Variants in MAPK8IP3 observed in about 807,000 individuals in gnomAD.
The protein encoded by MAPK8IP3 is C-Jun-amino-terminal kinase-interacting protein 3.
MAPK8IP3 carries 49 observed loss-of-function variants against 157.8 expected under a neutral mutation model. The observed-to-expected ratio is 0.31, with a 90% CI of 0.25 to 0.39. The LOEUF is 0.39. Among genes scored for constraint, MAPK8IP3 ranks in the 10% least tolerant of loss-of-function variants. MAPK8IP3 has a pLI of 1.00. For synonymous variants in MAPK8IP3, 897 were observed against 777.7 expected, an observed-to-expected ratio of 1.15 and a Z score of -2.55; for missense variants, 1,478 against 1,889.4, an observed-to-expected ratio of 0.78 and a Z score of 4.04.
rs564450668 is a variant in MAPK8IP3 at position 1,732,039 on chromosome 16, G to A, written c.602+2461G>A. On this transcript the variant is annotated intron_variant, in intron 4 of 31. Coordinates refer to ENST00000610761, the MANE Select transcript of MAPK8IP3 (RefSeq NM_001318852.2). ...CCGTTTTCTGTGCCCTTTGAATCAGGAGAAAGCCGGGCTGCAGGCCCCAGG... is the reference window on the plus strand; with the variant it reads ...CCGTTTTCTGTGCCCTTTGAATCAGAAGAAAGCCGGGCTGCAGGCCCCAGG... Among the ~76,000 whole-genome samples the A allele has an allele frequency of 4.6e-5, 7 of 152,298 alleles. No homozygotes were observed. The South Asian group carries it at 1.4e-3, about 32-fold the overall frequency.
chr16:1,761,791 C>G (rs1330442624), intron 13 of MAPK8IP3, among the ~76,000 whole-genome samples: 1 of 148,120 alleles, frequency 6.8e-6, no homozygotes, highest in African/African-American at 2.5e-5. Context: ...GCCATCATTC[C>G]CACACATTCA....
intron 1 of MAPK8IP3, among the ~76,000 whole-genome samples, chr16:1,709,711 C>T (rs988698275): frequency 1.3e-5 from 2 of 152,248 alleles, no homozygotes; most frequent in South Asian, 2.1e-4. Context: ...CCACACGCAC[C>T]GTCCGGTGCA....
At chr16:1,732,486 C>T (rs1253929204) in intron 4 of MAPK8IP3, among the ~76,000 whole-genome samples, 6 of 152,228 alleles carry the variant, frequency 3.9e-5, no homozygotes, top group Non-Finnish European at 7.3e-5. Flanking sequence ...AGCAAATGCA[C>T]GGTGTGCGCA....
At position 1,736,887 on chromosome 16, in the gene MAPK8IP3, ACCGT is replaced by A. The variant is rs1411457282; in HGVS notation, c.603-6440_603-6437del. Among the ~76,000 whole-genome samples the A allele has an allele frequency of 1.2e-4, 4 of 32,314 alleles. No homozygotes were observed. The East Asian group carries it at 4.7e-3, about 38-fold the overall frequency. 21.2% of individuals were successfully genotyped at this position (32,314 alleles called of 152,430 possible). A position where few individuals can be genotyped will look rare whatever the true frequency, so the allele number is the denominator to read the frequency against. ...CCATGTGAGCATCCGTGAGCGTGTG[ACCGT>A]CCGTGTGTGACCGTCTGTGTGAGTG... is the stretch of plus-strand genomic sequence containing the variant. On this transcript the variant is annotated intron_variant, in intron 4 of 31. Coordinates refer to ENST00000610761, the MANE Select transcript of MAPK8IP3 (RefSeq NM_001318852.2).
intron 10 of MAPK8IP3, 142 bp downstream of exon 10, chr16:1,759,137 C>T (rs2041790345): frequency 3.5e-6 from 4 of 1,136,052 alleles, no homozygotes; most frequent in South Asian, 1.4e-5. Context: ...GAGTGAAGCT[C>T]GCTCTGTCCA....
rs1450248232 is a variant in MAPK8IP3, at chr16:1,768,301, C to T, written c.3665C>T (p.Pro1222Leu). Residue 1222 changes from proline (P) to leucine (L), a missense_variant, in exon 30 of 32, where the codon CCC becomes CTC. By Grantham distance (98) the Pro-to-Leu change is moderately conservative. Transcript: ENST00000610761. ...SSDRAASSFI[P>L]YCSMAQAQLC... ...GACAGGGCGGCCAGCAGCTTCATCC[C>T]CTACTGCTCCATGGCCCAGGCCCAG... 1 of 1,610,244 alleles carries T rather than the reference C, an allele frequency of 6.2e-7. No individual in the cohort carries two copies. The highest frequency in any genetic ancestry group is 1.3e-5 in the African/African-American group (1 of 74,950).
chr16:1,739,849 TCCGTGTGA>T (rs2040525056), intron 4 of MAPK8IP3, among the ~76,000 whole-genome samples: 2 of 123,398 alleles, frequency 1.6e-5, no homozygotes, highest in South Asian at 3.6e-4. Context: ...CGTGTGAGCA[TCCGTGTGA>T]CCGTGTGAGC....
rs1308639647 is a variant in MAPK8IP3 at position 1,710,339 on chromosome 16, C to T, written c.318+3682C>T. On this transcript the variant is annotated intron_variant, in intron 1 of 31. Coordinates refer to ENST00000610761, the MANE Select transcript of MAPK8IP3 (RefSeq NM_001318852.2). The surrounding 1 kb of genome is among the most constrained non-coding windows in gnomAD (Gnocchi z 4.1). ...AGAAAAAAAAATTAGCCAGGTGTGG[C>T]GGCAGGCCCCTGTAGTCCCAGCACT... Among the ~76,000 whole-genome samples, 7 of 151,892 alleles carry T rather than the reference C, an allele frequency of 4.6e-5. No individual in the cohort carries two copies. The highest frequency in any genetic ancestry group is 7.4e-5 in the Non-Finnish European group (5 of 67,954).
At chr16:1,760,203 GC>G (rs2141917138) in intron 11 of MAPK8IP3, 176 bp from the exon 12 acceptor site, 2 of 959,394 alleles carry the variant, frequency 2.1e-6, no homozygotes, top group East Asian at 5.0e-5. Flanking sequence ...GTCTCCAGGA[GC>G]CTCTAACAAG....
At chr16:1,758,899 C>T (rs1013787762) in intron 9 of MAPK8IP3, 79 bp from the exon 10 acceptor site, 64 of 1,505,154 alleles carry the variant, frequency 4.3e-5, no homozygotes, top group Non-Finnish European at 5.6e-5. Context: ...ACGGGCTTAA[C>T]GCGCTTCTCT....
chr16:1,761,507 C>T (rs1285804867), intron 13 of MAPK8IP3, among the ~76,000 whole-genome samples: 1 of 148,166 alleles, frequency 6.7e-6, no homozygotes, highest in African/African-American at 2.5e-5. Flanking sequence ...CATTCACAGG[C>T]GGGGCGGCCA....
At chr16:1,738,019 C>T (rs1334324058) in intron 4 of MAPK8IP3, among the ~76,000 whole-genome samples, 4 of 63,988 alleles carry the variant, frequency 6.3e-5, no homozygotes, top group Admixed American at 2.1e-4. Context: ...TGTGACCGTC[C>T]GTGTGAGCAT....
chr16:1,729,001 C>A, intron 2 of MAPK8IP3, 137 bp from the exon 3 acceptor site: 1 of 778,628 alleles, frequency 1.3e-6, no homozygotes, highest in South Asian at 1.5e-5. Flanking sequence ...CTTGCACTTG[C>A]CGGGCTGCTG....
chr16:1,744,674 G>A (rs2040860667), intron 5 of MAPK8IP3: 1 of 985,342 alleles, frequency 1.0e-6, no homozygotes, highest in Non-Finnish European at 1.2e-6. Flanking sequence ...CAGCCGGGGG[G>A]AGCCCTTGCT....
intron 22 of MAPK8IP3, 60 bp downstream of exon 22, chr16:1,766,469 G>C: frequency 1.2e-6 from 2 of 1,602,062 alleles, no homozygotes; most frequent in South Asian, 2.2e-5. Context: ...GAAGGGCCTC[G>C]GGGTCTTGGG....
intron 5 of MAPK8IP3, chr16:1,744,607 C>T (rs919557102): frequency 1.4e-5 from 14 of 985,468 alleles, no homozygotes; most frequent in African/African-American, 7.0e-5. Flanking sequence ...CTCTGGCTCA[C>T]GCTTCCCGGG....
Position 1,762,347 on chromosome 16 carries a change from G to A in MAPK8IP3, c.1540-4G>A, listed in dbSNP as rs759256500. ...GCTGAGCCTCTGTGCCCCTCCCTCCGCAGGACAAAATCCCCATGGCCCAGC... is the reference window on the plus strand; with the variant it reads ...GCTGAGCCTCTGTGCCCCTCCCTCCACAGGACAAAATCCCCATGGCCCAGC... On this transcript the variant is annotated splice_region_variant and splice_polypyrimidine_tract_variant and intron_variant, in intron 13 of 31. Transcript: ENST00000610761. The A allele has an allele frequency of 4.1e-5, 64 of 1,567,858 alleles. No individual in the cohort carries two copies. The highest frequency in any genetic ancestry group is 1.7e-4 in the Middle Eastern group (1 of 6,028).
rs201201035 is a variant in MAPK8IP3 at position 1,768,283 on chromosome 16, C to G, written c.3647C>G (p.Ala1216Gly). 4.3e-6 allele frequency: 7 copies of G among 1,611,202 alleles called. No homozygotes were observed. Among genetic ancestry groups the G allele is most frequent in the Non-Finnish European group, 5.9e-6 (7 of 1,180,000 alleles). ...TATGGCGATGACAGCAGTGACAGGG[C>G]GGCCAGCAGCTTCATCCCCTACTGC... ...HVYGDDSSDR[A>G]ASSFIPYCSM... The change falls in exon 30 of 32, where the codon GCG (alanine) becomes GGG (glycine). Residue 1216 changes from alanine to glycine, a missense_variant. This residue lies in a region of MAPK8IP3 where 83 missense variants were observed against 85.3 expected (regional missense o/e 0.97). Transcript: ENST00000610761.
chr16:1,753,017 G>C (rs2041382209), intron 8 of MAPK8IP3, among the ~76,000 whole-genome samples: 1 of 152,192 alleles, frequency 6.6e-6, no homozygotes, highest in African/African-American at 2.4e-5. Context: ...AAGCAGGGGA[G>C]AGCCTGGAGC....
Sources: gnomAD v4.1 joint callset for allele counts (sites outside exome capture counted in the v4.1 genomes callset) on GRCh38, gnomAD v4.1.1 for gene constraint, gnomAD v4.1.1 regional missense constraint, Gnocchi (gnomAD v3.1) non-coding constraint, MANE v1.5 for transcripts, NCBI Gene and HGNC (gene_info 2026-07-23, HGNC 2026-07-21) for gene names.